Variants in IMMP2L observed in about 807,000 individuals in gnomAD.
IMMP2L encodes the protein mitochondrial inner membrane protease subunit 2.
IMMP2L carries 18 observed loss-of-function variants against 19.3 expected under a neutral mutation model. The ratio of observed to expected loss-of-function variants is 0.93; its 90% confidence interval spans 0.64 to 1.38. The LOEUF (loss-of-function observed/expected upper bound fraction) is 1.38. IMMP2L is among the 40% of genes most tolerant of loss of function. The pLI, the probability that IMMP2L is intolerant of heterozygous loss-of-function variation, is 0.00. For synonymous variants in IMMP2L, 76 were observed against 73.0 expected (o/e 1.04, Z -0.21); for missense variants, 233 against 218.2 (o/e 1.07, Z -0.43).
At chr7:111,446,599 G>C (rs1454345569) in intron 3 of IMMP2L, among the ~76,000 whole-genome samples, 1 of 151,950 alleles carries the variant, frequency 6.6e-6, no homozygotes, top group Non-Finnish European at 1.5e-5. Context: ...AAACCACAAA[G>C]ATGGAGAAAA....
chr7:111,373,013 T>C (rs149578627), intron 3 of IMMP2L, among the ~76,000 whole-genome samples: 131 of 152,046 alleles, frequency 8.6e-4, no homozygotes, highest in African/African-American at 3.1e-3. Context: ...ATCCAAAGTT[T>C]TAATTACGGA....
intron 3 of IMMP2L, among the ~76,000 whole-genome samples, chr7:111,225,014 T>C (rs1047935820): frequency 1.9e-4 from 29 of 152,256 alleles, no homozygotes; most frequent in African/African-American, 6.7e-4. Context: ...AGTACAATGG[T>C]TGTTTAAGGA....
At chr7:110,904,730 G>A (rs1812277635) in intron 4 of IMMP2L, among the ~76,000 whole-genome samples, 1 of 152,158 alleles carries the variant, frequency 6.6e-6, no homozygotes, top group African/African-American at 2.4e-5. Context: ...GGATCACTAG[G>A]AAAGCAAAGC....
chr7:111,040,570 C>CTAATATTTAAATATTAGATA (rs1225001929), intron 3 of IMMP2L, among the ~76,000 whole-genome samples: 11 of 150,902 alleles, frequency 7.3e-5, no homozygotes, highest in Admixed American at 2.6e-4. Flanking sequence ...ATATTTATAT[C>CTAATATTTAAATATTAGATA]TAATATTTAA....
intron 3 of IMMP2L, among the ~76,000 whole-genome samples, chr7:111,201,081 A>G (rs967919735): frequency 6.6e-6 from 1 of 152,176 alleles, no homozygotes; most frequent in African/African-American, 2.4e-5. Context: ...GCTTGTTTGG[A>G]TGTTTAGAAA....
At chr7:111,463,651 A>C (rs2132030704) in intron 3 of IMMP2L, among the ~76,000 whole-genome samples, 1 of 152,208 alleles carries the variant, frequency 6.6e-6, no homozygotes, top group Admixed American at 6.5e-5. Context: ...GGGTAATTCC[A>C]TTCCCACCTC....
chr7:111,481,286 T>G (rs542493471), intron 3 of IMMP2L, among the ~76,000 whole-genome samples: 36 of 152,284 alleles, frequency 2.4e-4, no homozygotes, highest in African/African-American at 8.2e-4. Context: ...ATGACTTCTT[T>G]GGTGAGAATC....
intron 3 of IMMP2L, among the ~76,000 whole-genome samples, chr7:111,287,048 A>T (rs1431133380): frequency 6.6e-6 from 1 of 152,174 alleles, no homozygotes; most frequent in Non-Finnish European, 1.5e-5. Context: ...GTTACTATGA[A>T]CCATAAAATA....
intron 3 of IMMP2L, among the ~76,000 whole-genome samples, chr7:111,076,972 T>G (rs1423773823): frequency 3.9e-5 from 6 of 152,168 alleles, no homozygotes; most frequent in Non-Finnish European, 7.4e-5. Flanking sequence ...GTGAATGAGG[T>G]CTCTCCTCCA....
intron 3 of IMMP2L, among the ~76,000 whole-genome samples, chr7:111,231,214 G>A (rs1676056226): frequency 6.6e-6 from 1 of 151,936 alleles, no homozygotes; most frequent in Non-Finnish European, 1.5e-5. Context: ...AATGCAGGAG[G>A]TAAATTATTA....
Position 110,727,031 on chromosome 7 carries a change from G to A in IMMP2L, c.409-63310C>T, listed in dbSNP as rs1795930738. Among the ~76,000 whole-genome samples the A allele has an allele frequency of 6.6e-6, 1 of 152,194 alleles. No individual in the cohort carries two copies. Among genetic ancestry groups the A allele is most frequent in the Non-Finnish European group, 1.5e-5 (1 of 68,038 alleles). On this transcript the variant is annotated intron_variant, in intron 5 of 5. Coordinates refer to ENST00000405709, the MANE Select transcript of IMMP2L (RefSeq NM_032549.4). The surrounding 1 kb of genome is among the most constrained non-coding windows in gnomAD (Gnocchi z 4.3). ...AGCAAGAATGGAAATGCTTCCTTAG[G>A]CATTAAATAATTGCAGACGGCAGAG...
intron 3 of IMMP2L, among the ~76,000 whole-genome samples, chr7:111,113,673 T>C (rs1434558458): frequency 6.6e-6 from 1 of 151,730 alleles, no homozygotes; most frequent in Non-Finnish European, 1.5e-5. Flanking sequence ...CCAAATGTTT[T>C]CATCTGAAAT....
At chr7:111,309,365 G>T (rs187839617) in intron 3 of IMMP2L, among the ~76,000 whole-genome samples, 63 of 152,226 alleles carry the variant, frequency 4.1e-4, no homozygotes, top group African/African-American at 1.4e-3. Flanking sequence ...CAGTTTGGAT[G>T]AGTATTATAA....
Position 111,199,906 on chromosome 7 carries a change from G to T in IMMP2L, c.240-236341C>A, listed in dbSNP as rs532252029. 4.6e-5 allele frequency among the ~76,000 whole-genome samples: 7 copies of T among 152,112 alleles called. No individual in the cohort carries two copies. The South Asian group carries it at 1.2e-3, about 27-fold the overall frequency. ...AACTGGGTGTAGTTTTAATAAAATT[G>T]AACTCATAAGTTTTTATTACATTTA... On this transcript the variant is annotated intron_variant, in intron 3 of 5. Coordinates refer to ENST00000405709, the MANE Select transcript of IMMP2L (RefSeq NM_032549.4).
At chr7:110,866,656 C>A (rs7780566) in intron 5 of IMMP2L, among the ~76,000 whole-genome samples, 1 of 152,012 alleles carries the variant, frequency 6.6e-6, no homozygotes, top group African/African-American at 2.4e-5. Flanking sequence ...GGAAAAATAA[C>A]AGTAAAGTTC....
chr7:110,680,102 AT>A (rs1792604547), intron 5 of IMMP2L, among the ~76,000 whole-genome samples: 1 of 152,176 alleles, frequency 6.6e-6, no homozygotes, highest in Non-Finnish European at 1.5e-5. Context: ...GGTGAATATT[AT>A]TTTGCATGAG....
At chr7:110,853,412 T>G (rs1446762368) in intron 5 of IMMP2L, among the ~76,000 whole-genome samples, 1 of 152,060 alleles carries the variant, frequency 6.6e-6, no homozygotes, top group Non-Finnish European at 1.5e-5. Flanking sequence ...TTCCATCAAC[T>G]TTCTATAGAG....
In IMMP2L at chr7:110,791,917, G is replaced by A. The variant is rs1800483060; in HGVS notation, c.408+94676C>T. 2.0e-5 allele frequency among the ~76,000 whole-genome samples: 3 copies of A among 151,814 alleles called. No homozygotes were observed. In the South Asian group the frequency reaches 6.2e-4, roughly 31 times the overall value. On this transcript the variant is annotated intron_variant, in intron 5 of 5. Coordinates refer to ENST00000405709, the MANE Select transcript of IMMP2L (RefSeq NM_032549.4). ...CAAATGATGAGGTGGAGAGAAGCAG[G>A]GGCATGTCTTCCTCACATGGTTTTC...
At chr7:111,348,564 T>A (rs1827815822) in intron 3 of IMMP2L, among the ~76,000 whole-genome samples, 1 of 152,092 alleles carries the variant, frequency 6.6e-6, no homozygotes, top group Admixed American at 6.6e-5. Flanking sequence ...TTTTTGAGAA[T>A]AACAAATAAA....
Sources: allele counts gnomAD v4.1 joint callset (sites outside exome capture counted in the v4.1 genomes callset), GRCh38; gene constraint gnomAD v4.1.1; non-coding constraint Gnocchi (gnomAD v3.1); transcripts MANE v1.5; gene names NCBI Gene and HGNC (gene_info 2026-07-23, HGNC 2026-07-21).